SUGCT: variants seen among roughly 807,000 people sequenced by gnomAD.
The protein encoded by SUGCT is succinyl-CoA:glutarate CoA-transferase.
In SUGCT, 41 loss-of-function variants were observed where a neutral mutation model predicts 55.0. The ratio of observed to expected loss-of-function variants is 0.74; its 90% CI spans 0.58 to 0.97. SUGCT has a LOEUF of 0.97. Ranked by LOEUF, SUGCT falls within the 50% of genes least tolerant of loss-of-function variation. The pLI, the probability that SUGCT is intolerant of heterozygous loss-of-function variation, is 0.00. For missense variants in SUGCT, 568 were observed against 547.8 expected, an observed-to-expected ratio of 1.04 and a Z score of -0.37; for synonymous variants, 187 against 200.4, an observed-to-expected ratio of 0.93 and a Z score of 0.56.
chr7:40,387,190 G>A (rs762973321), intron 9 of SUGCT, among the ~76,000 whole-genome samples: 7 of 152,162 alleles, frequency 4.6e-5, no homozygotes, highest in African/African-American at 1.2e-4. Context: ...TTATTCGATA[G>A]CAATAAAACT....
chr7:40,967,745 C>T, the SUGCT span, among the ~76,000 whole-genome samples: 11 of 152,054 alleles, frequency 7.2e-5, no homozygotes, highest in South Asian at 2.1e-4. Flanking sequence ...CTCAGCCTCC[C>T]GAGTAGCTGG....
At chr7:40,794,226 G>A (rs1790447739) in intron 13 of SUGCT, among the ~76,000 whole-genome samples, 1 of 152,050 alleles carries the variant, frequency 6.6e-6, no homozygotes, top group South Asian at 2.1e-4. Context: ...CAGCTCAAGA[G>A]CATATTCCTT....
At chr7:40,217,845 A>G (rs1787762945) in intron 6 of SUGCT, among the ~76,000 whole-genome samples, 1 of 152,216 alleles carries the variant, frequency 6.6e-6, no homozygotes, top group South Asian at 2.1e-4. Context: ...GGGCTTGAAA[A>G]ACTGTCACTA....
At chr7:40,702,668 G>A (rs1334796705) in intron 12 of SUGCT, among the ~76,000 whole-genome samples, 1 of 152,180 alleles carries the variant, frequency 6.6e-6, no homozygotes, top group East Asian at 1.9e-4. Context: ...GTTTCATAGT[G>A]ATCCATCAAT....
intron 12 of SUGCT, among the ~76,000 whole-genome samples, chr7:40,631,939 G>A (rs1432082697): frequency 1.3e-5 from 2 of 152,106 alleles, no homozygotes; most frequent in African/African-American, 2.4e-5. Flanking sequence ...TCCCCAACTT[G>A]ATTTTTGAAG....
At chr7:40,284,744 C>A (rs1422008194) in intron 8 of SUGCT, among the ~76,000 whole-genome samples, 1 of 151,544 alleles carries the variant, frequency 6.6e-6, no homozygotes, top group Non-Finnish European at 1.5e-5. Flanking sequence ...AAAAAATCAT[C>A]AATTTAAAAC....
At chr7:40,529,138 A>G (rs1262503768) in intron 12 of SUGCT, among the ~76,000 whole-genome samples, 1 of 152,230 alleles carries the variant, frequency 6.6e-6, no homozygotes, top group Non-Finnish European at 1.5e-5. Flanking sequence ...TTGGCAGAAC[A>G]GTGTTACTTC....
At chr7:40,477,945 G>T (rs1790794439) in intron 11 of SUGCT, among the ~76,000 whole-genome samples, 1 of 152,110 alleles carries the variant, frequency 6.6e-6, no homozygotes, top group Admixed American at 6.5e-5. Context: ...AGATTTTAGG[G>T]CAAGAAGTCT....
chr7:40,510,626 A>G (rs1015034616), intron 12 of SUGCT, among the ~76,000 whole-genome samples: 3 of 152,214 alleles, frequency 2.0e-5, no homozygotes, highest in Non-Finnish European at 4.4e-5. Flanking sequence ...TGATAGGAAC[A>G]TGACAGAAGT....
Position 40,613,545 on chromosome 7 carries a change from A to G in SUGCT, c.1089+117159A>G, listed in dbSNP as rs549594030. Among the ~76,000 whole-genome samples the G allele has an allele frequency of 5.3e-5, 8 of 152,204 alleles. No homozygotes were observed. The East Asian group carries it at 7.7e-4, about 15-fold the overall frequency. On this transcript the variant is annotated intron_variant, in intron 12 of 13. Coordinates refer to ENST00000335693, the MANE Select transcript of SUGCT (RefSeq NM_001193313.2). ...CTTTTATTCTGGAAAGATGAGCTCA[A>G]TGGTGTAGTCTTCTTGCAACAGCTG...
chr7:40,533,646 C>A (rs1331486588), intron 12 of SUGCT, among the ~76,000 whole-genome samples: 5 of 152,092 alleles, frequency 3.3e-5, no homozygotes, highest in Admixed American at 3.3e-4. Flanking sequence ...AGCATATAAC[C>A]AAAATTTAGG....
intron 13 of SUGCT, among the ~76,000 whole-genome samples, chr7:40,843,974 C>T (rs566222735): frequency 7.9e-5 from 12 of 152,144 alleles, no homozygotes; most frequent in South Asian, 4.2e-4. Context: ...TTACTCGGCC[C>T]GCAGCTCTAA....
chr7:40,823,259 G>T (rs958401920), intron 13 of SUGCT, among the ~76,000 whole-genome samples: 2 of 152,068 alleles, frequency 1.3e-5, no homozygotes, highest in African/African-American at 4.8e-5. Flanking sequence ...TAGAACCTTT[G>T]TTAAAAGGTC....
chr7:40,365,516 T>A (rs1352287720), intron 9 of SUGCT, among the ~76,000 whole-genome samples: 3 of 151,904 alleles, frequency 2.0e-5, no homozygotes, highest in East Asian at 1.9e-4. Flanking sequence ...AGAAAACCCC[T>A]TTGTCTCAGC....
At chr7:40,998,056 G>A in the SUGCT span, among the ~76,000 whole-genome samples, 8 of 152,072 alleles carry the variant, frequency 5.3e-5, no homozygotes, top group African/African-American at 1.9e-4. Flanking sequence ...TTTTCAATGA[G>A]GACTTAATTC....
At chr7:40,332,251 C>A (rs1029043214) in intron 9 of SUGCT, among the ~76,000 whole-genome samples, 1 of 152,160 alleles carries the variant, frequency 6.6e-6, no homozygotes, top group African/African-American at 2.4e-5. Context: ...GCACTTCCAT[C>A]ATAAACAGCC....
intron 12 of SUGCT, among the ~76,000 whole-genome samples, chr7:40,642,940 C>T (rs79688422): frequency 0.026 from 3,976 of 151,938 alleles, 56 homozygotes; most frequent in Non-Finnish European, 0.042. Flanking sequence ...TGGCAAGGGG[C>T]GGCAAAAAAA....
intron 12 of SUGCT, among the ~76,000 whole-genome samples, chr7:40,503,328 A>AT (rs1254831572): frequency 6.6e-6 from 1 of 152,156 alleles, no homozygotes; most frequent in Non-Finnish European, 1.5e-5. Flanking sequence ...TTTTTCTGAA[A>AT]TTTTTTAGCA....
chr7:41,026,077 G>T, the SUGCT span, among the ~76,000 whole-genome samples: 784 of 152,332 alleles, frequency 5.1e-3, 3 homozygotes, highest in Admixed American at 0.014. Flanking sequence ...GTCTATGTGT[G>T]CTCTGGAGCT....
Sources: gnomAD v4.1 joint callset for allele counts (sites outside exome capture counted in the v4.1 genomes callset) on GRCh38, gnomAD v4.1.1 for gene constraint, MANE v1.5 for transcripts, NCBI Gene and HGNC (gene_info 2026-07-23, HGNC 2026-07-21) for gene names.